ADAMTS6: variants seen among roughly 807,000 people sequenced by gnomAD.
ADAMTS6 encodes ADAM metallopeptidase with thrombospondin type 1 motif 6.
A neutral mutation model predicts 144.3 loss-of-function variants in ADAMTS6; 23 were observed. The ratio of observed to expected loss-of-function variants is 0.16; its 90% CI spans 0.11 to 0.23. The LOEUF (loss-of-function observed/expected upper bound fraction) is 0.23. Ranked by LOEUF, ADAMTS6 falls within the 10% of genes least tolerant of loss-of-function variation. The pLI, the probability that ADAMTS6 is intolerant of heterozygous loss-of-function variation, is 1.00. For missense variants in ADAMTS6, 999 were observed against 1,379.6 expected (o/e 0.72, Z 4.37); for synonymous variants, 444 against 457.5 (o/e 0.97, Z 0.38).
At chr5:65,403,164 C>T (rs1754087555) in intron 7 of ADAMTS6, among the ~76,000 whole-genome samples, 1 of 152,108 alleles carries the variant, frequency 6.6e-6, no homozygotes, top group Non-Finnish European at 1.5e-5. Flanking sequence ...ACTTGTCTTT[C>T]AGAGCAACAC....
At chr5:65,188,789 A>G (rs1487506982) in intron 21 of ADAMTS6, among the ~76,000 whole-genome samples, 2 of 152,242 alleles carry the variant, frequency 1.3e-5, no homozygotes, top group African/African-American at 2.4e-5. Context: ...CTTCTAACAT[A>G]GTGTCTGTCA....
intron 11 of ADAMTS6, among the ~76,000 whole-genome samples, chr5:65,277,716 C>G (rs1762656403): frequency 1.3e-5 from 2 of 152,134 alleles, no homozygotes; most frequent in Non-Finnish European, 2.9e-5. Context: ...CAAAATGTTC[C>G]TTTCTGGCAA....
chr5:65,427,797 C>CAA (rs777288291), intron 7 of ADAMTS6, among the ~76,000 whole-genome samples: 20 of 87,342 alleles, frequency 2.3e-4, no homozygotes, highest in Non-Finnish European at 3.7e-4. Flanking sequence ...GACTCGGTCT[C>CAA]AAAAAAAAAA....
chr5:65,372,511 G>A (rs1032317061), intron 7 of ADAMTS6, among the ~76,000 whole-genome samples: 12 of 151,716 alleles, frequency 7.9e-5, no homozygotes, highest in East Asian at 1.9e-4. Context: ...AGACAAAGAA[G>A]GCCATTACGT....
At chr5:65,283,837 T>G (rs1483541930) in intron 11 of ADAMTS6, among the ~76,000 whole-genome samples, 1 of 152,074 alleles carries the variant, frequency 6.6e-6, no homozygotes, top group Admixed American at 6.6e-5. Context: ...AAGACAACTG[T>G]GGGATATTTT....
intron 9 of ADAMTS6, among the ~76,000 whole-genome samples, chr5:65,305,323 C>T (rs143761847): frequency 0.02 from 3,104 of 152,076 alleles, 53 homozygotes; most frequent in Middle Eastern, 0.037. Context: ...CAATATTTTA[C>T]GAGGATACAT....
chr5:65,213,388 T>A (rs930427890), intron 20 of ADAMTS6, among the ~76,000 whole-genome samples: 1 of 152,222 alleles, frequency 6.6e-6, no homozygotes, highest in Non-Finnish European at 1.5e-5. Context: ...ATGCCCATAA[T>A]CCCAGCATTT....
At chr5:65,275,402 AG>A (rs1762429890) in intron 11 of ADAMTS6, among the ~76,000 whole-genome samples, 2 of 147,240 alleles carry the variant, frequency 1.4e-5, no homozygotes, top group Non-Finnish European at 3.0e-5. Flanking sequence ...AAAGAAAGAA[AG>A]AAAGAAAGAA....
intron 4 of ADAMTS6, among the ~76,000 whole-genome samples, chr5:65,458,039 T>C (rs1030236031): frequency 6.6e-6 from 1 of 152,156 alleles, no homozygotes; most frequent in African/African-American, 2.4e-5. Context: ...TCCTAGTTTT[T>C]AAAGAATTTA....
chr5:65,217,919 C>A (rs1757047655), intron 18 of ADAMTS6, among the ~76,000 whole-genome samples: 1 of 152,116 alleles, frequency 6.6e-6, no homozygotes, highest in South Asian at 2.1e-4. Flanking sequence ...TATGAATCAG[C>A]TTTTCTCATG....
At chr5:65,415,236 T>G (rs1755402508) in intron 7 of ADAMTS6, 1 of 152,294 alleles carries the variant, frequency 6.6e-6, no homozygotes, top group Admixed American at 6.5e-5. Flanking sequence ...AAAAAGATCG[T>G]CAACATCATT....
chr5:65,476,057 C>CT (rs33925920), intron 1 of ADAMTS6, among the ~76,000 whole-genome samples: 152,327 of 152,328 alleles, frequency 1, 76,163 homozygotes, highest in Non-Finnish European at 1. Flanking sequence ...TGACTTCCAT[C>CT]TGCTAGCCAC....
chr5:65,283,548 T>G (rs1763147594), intron 11 of ADAMTS6, among the ~76,000 whole-genome samples: 1 of 152,100 alleles, frequency 6.6e-6, no homozygotes, highest in Non-Finnish European at 1.5e-5. Context: ...GGACTTATGA[T>G]TTTAGCTTAG....
intron 7 of ADAMTS6, among the ~76,000 whole-genome samples, chr5:65,401,146 T>C (rs1465937525): frequency 6.6e-6 from 1 of 152,176 alleles, no homozygotes; most frequent in Non-Finnish European, 1.5e-5. Flanking sequence ...AAGCAATAGC[T>C]GTAAATAGGC....
At chr5:65,415,852 G>A in intron 7 of ADAMTS6, 2 of 222,976 alleles carry the variant, frequency 9.0e-6, no homozygotes, top group Middle Eastern at 1.7e-3. Flanking sequence ...AGGCTACTGG[G>A]GGAACAAGAT....
rs779097551 is a variant in ADAMTS6, at chr5:65,170,633, G to A, written c.3228C>T (p.Pro1076=). Residue 1076 remains proline (P), a synonymous_variant, in exon 24 of 25, where the codon CCC becomes CCT. Coordinates refer to ENST00000381055, the MANE Select transcript of ADAMTS6 (RefSeq NM_197941.4). ...QQCESKCDST[P]ISNTEECKDV... ...AAAACTCACCTTCAGTATTAGAAAT[G>A]GGGGTACTGTCACATTTGCTTTCAC... The A allele has an allele frequency of 6.8e-6, 11 of 1,613,986 alleles. No individual in the cohort carries two copies. In the South Asian group the frequency reaches 1.1e-4, roughly 16 times the overall value.
chr5:65,365,647 A>G (rs768026242), intron 7 of ADAMTS6, among the ~76,000 whole-genome samples: 36 of 113,684 alleles, frequency 3.2e-4, no homozygotes, highest in Non-Finnish European at 5.6e-4. Flanking sequence ...ACTCTGTTTC[A>G]AAAAAAAAAA....
chr5:65,199,370 A>ATT (rs1755592368), intron 20 of ADAMTS6, among the ~76,000 whole-genome samples: 1 of 152,192 alleles, frequency 6.6e-6, no homozygotes, highest in African/African-American at 2.4e-5. Flanking sequence ...TTTGGCTATA[A>ATT]TTACATTTGT....
chr5:65,451,363 A>C (rs1391809540), intron 7 of ADAMTS6, 112 bp downstream of exon 7: 1 of 1,172,432 alleles, frequency 8.5e-7, no homozygotes, highest in African/African-American at 1.6e-5. Flanking sequence ...ATAAATTACC[A>C]TTTTGCTTTC....
Sources: allele counts gnomAD v4.1 joint callset (sites outside exome capture counted in the v4.1 genomes callset), GRCh38; gene constraint gnomAD v4.1.1; transcripts MANE v1.5; gene names NCBI Gene and HGNC (gene_info 2026-07-23, HGNC 2026-07-21).